Variants in SLC26A5 observed in about 807,000 individuals in gnomAD.
SLC26A5 encodes solute carrier family 26 member 5.
SLC26A5 carries 51 observed loss-of-function variants against 81.0 expected under a neutral mutation model. The ratio of observed to expected loss-of-function variants is 0.63; its 90% CI spans 0.50 to 0.80. SLC26A5 has a LOEUF of 0.80. SLC26A5 is among the 30% of genes least tolerant of loss of function. The pLI is 0.00. For synonymous variants in SLC26A5, 325 were observed against 332.8 expected (o/e 0.98, Z 0.25); for missense variants, 771 against 905.8 (o/e 0.85, Z 1.91).
intron 2 of SLC26A5, among the ~76,000 whole-genome samples, chr7:103,427,599 C>G (rs1825792016): frequency 6.6e-6 from 1 of 152,030 alleles, no homozygotes; most frequent in Non-Finnish European, 1.5e-5. Context: ...AAAATGGTAA[C>G]AACATTTTAA....
At chr7:103,407,829 T>A (rs1167830306) in intron 8 of SLC26A5, 22 bp downstream of exon 8, 1 of 1,613,442 alleles carries the variant, frequency 6.2e-7, no homozygotes, top group Non-Finnish European at 8.5e-7. Context: ...GCCGAGTAGG[T>A]CACTGACCGA....
At chr7:103,382,217 C>A (rs144094985) in intron 14 of SLC26A5, among the ~76,000 whole-genome samples, 50 of 152,210 alleles carry the variant, frequency 3.3e-4, no homozygotes, top group Non-Finnish European at 6.2e-4. Context: ...TAGCAAGAAT[C>A]ACTGACTCAT....
chr7:103,354,980 T>C (rs780870568), intron 19 of SLC26A5: 4 of 1,386,204 alleles, frequency 2.9e-6, no homozygotes, highest in South Asian at 2.4e-5. Context: ...ATTTCCTTCC[T>C]TTAAATGTAA....
intron 4 of SLC26A5, among the ~76,000 whole-genome samples, chr7:103,413,379 A>G (rs941724621): frequency 3.3e-5 from 5 of 152,160 alleles, no homozygotes; most frequent in African/African-American, 9.7e-5. Flanking sequence ...AAAGCAGAAA[A>G]AAGTCTTATC....
At chr7:103,384,171 G>T (rs1343682438) in intron 14 of SLC26A5, among the ~76,000 whole-genome samples, 2 of 151,900 alleles carry the variant, frequency 1.3e-5, no homozygotes, top group Non-Finnish European at 2.9e-5. Context: ...TTTGGTAGAG[G>T]CATGGTCTTA....
At chr7:103,361,073 C>T (rs1820362065) in intron 19 of SLC26A5, among the ~76,000 whole-genome samples, 1 of 151,342 alleles carries the variant, frequency 6.6e-6, no homozygotes, top group African/African-American at 2.4e-5. Flanking sequence ...GAGATCGCAC[C>T]ACTGCACTCC....
intron 4 of SLC26A5, among the ~76,000 whole-genome samples, chr7:103,418,783 A>G (rs1825114630): frequency 6.6e-6 from 1 of 152,092 alleles, no homozygotes; most frequent in African/African-American, 2.4e-5. Flanking sequence ...TTTGCCTACC[A>G]TGAGCTGCTG....
intron 14 of SLC26A5, among the ~76,000 whole-genome samples, chr7:103,385,253 C>T (rs1822094965): frequency 1.3e-5 from 2 of 151,970 alleles, no homozygotes. Context: ...GCTCCGCCTC[C>T]CCGGGTTCAC....
At chr7:103,416,299 G>A (rs747376864) in intron 4 of SLC26A5, among the ~76,000 whole-genome samples, 6 of 152,194 alleles carry the variant, frequency 3.9e-5, no homozygotes, top group Non-Finnish European at 7.3e-5. Flanking sequence ...CAACTGGGTG[G>A]CCAGCCAGCA....
intron 19 of SLC26A5, among the ~76,000 whole-genome samples, chr7:103,355,959 T>G (rs1273905138): frequency 6.6e-6 from 1 of 152,200 alleles, no homozygotes; most frequent in African/African-American, 2.4e-5. Context: ...CTTAAACAAT[T>G]CTTCAAAAAT....
intron 8 of SLC26A5, among the ~76,000 whole-genome samples, chr7:103,400,974 T>C (rs1032342187): frequency 1.3e-5 from 2 of 152,226 alleles, no homozygotes; most frequent in African/African-American, 4.8e-5. Flanking sequence ...CCTTGTAGTA[T>C]AGTTTGAAGT....
rs1820698767 is a variant in SLC26A5, at chr7:103,365,964, T to C, written c.2041+10844A>G. On this transcript the variant is annotated intron_variant, in intron 19 of 19. Coordinates refer to the SLC26A5 transcript ENST00000339444. ...AAAATAAAAAACGTTTAGGTAATAA[T>C]GGGTGAGAATACTGTTAGGAATAAA... is the stretch of plus-strand genomic sequence containing the variant. The C allele has an allele frequency of 8.6e-6, 7 of 815,998 alleles. No individual in the cohort carries two copies. The East Asian group carries it at 1.9e-4, about 22-fold the overall frequency. The allele number at this position is 815,998 out of a possible 1,614,324, so 50.5% of individuals were successfully genotyped here.
chr7:103,438,380 A>G (rs974475024), intron 2 of SLC26A5, among the ~76,000 whole-genome samples: 37 of 148,978 alleles, frequency 2.5e-4, no homozygotes, highest in Non-Finnish European at 4.1e-4. Context: ...TTATATTGAG[A>G]TTTCTTTTCT....
chr7:103,399,768 T>C (rs1227474270), intron 8 of SLC26A5, among the ~76,000 whole-genome samples: 1 of 152,204 alleles, frequency 6.6e-6, no homozygotes, highest in African/African-American at 2.4e-5. Context: ...CCCCTGCCTG[T>C]GTCCATGTGT....
chr7:103,398,204 G>A (rs1823300543), intron 8 of SLC26A5, among the ~76,000 whole-genome samples, 190 bp from the exon 9 acceptor site: 1 of 152,142 alleles, frequency 6.6e-6, no homozygotes, highest in Non-Finnish European at 1.5e-5. Context: ...TAATTAAAAT[G>A]AACTCTACAG....
intron 8 of SLC26A5, among the ~76,000 whole-genome samples, chr7:103,404,849 G>A (rs1823901096): frequency 6.6e-6 from 1 of 152,096 alleles, no homozygotes; most frequent in Non-Finnish European, 1.5e-5. Flanking sequence ...TTTTCACACA[G>A]TCCCATATTT....
chr7:103,355,887 AT>A, intron 19 of SLC26A5: 1 of 834,038 alleles, frequency 1.2e-6, no homozygotes, highest in Non-Finnish European at 1.8e-6. Flanking sequence ...TTCATAAATA[AT>A]TTTGATTCCA....
chr7:103,410,768 C>T (rs1320335285), intron 6 of SLC26A5, among the ~76,000 whole-genome samples: 1 of 151,914 alleles, frequency 6.6e-6, no homozygotes, highest in Non-Finnish European at 1.5e-5. Context: ...GTAGCTGGGA[C>T]TAAAGGTGTG....
intron 6 of SLC26A5, among the ~76,000 whole-genome samples, chr7:103,410,911 G>T (rs989403541): frequency 6.6e-6 from 1 of 152,054 alleles, no homozygotes; most frequent in East Asian, 1.9e-4. Flanking sequence ...TTAAAGGTGT[G>T]AGCCACCGCG....
Sources: allele counts gnomAD v4.1 joint callset (sites outside exome capture counted in the v4.1 genomes callset), GRCh38; gene constraint gnomAD v4.1.1; transcripts MANE v1.5; gene names NCBI Gene and HGNC (gene_info 2026-07-23, HGNC 2026-07-21).